RNGTT: variants seen among roughly 807,000 people sequenced by gnomAD.
RNGTT encodes the protein RNA guanylyltransferase and 5'-phosphatase.
In RNGTT, 33 loss-of-function variants were observed where a neutral mutation model predicts 79.3. That is an observed-to-expected ratio of 0.42 (90% CI 0.32 to 0.56). The LOEUF (loss-of-function observed/expected upper bound fraction) is 0.56. Among genes scored for constraint, RNGTT ranks in the 20% least tolerant of loss-of-function variants. The pLI is 0.17. For synonymous variants in RNGTT, 222 were observed against 235.9 expected, an observed-to-expected ratio of 0.94 and a Z score of 0.54; for missense variants, 497 against 739.1, an observed-to-expected ratio of 0.67 and a Z score of 3.80.
At chr6:88,951,589 C>A (rs1441049498) in intron 1 of RNGTT, among the ~76,000 whole-genome samples, 1 of 152,170 alleles carries the variant, frequency 6.6e-6, no homozygotes, top group Non-Finnish European at 1.5e-5. Flanking sequence ...AAACCATGAG[C>A]TCCCAAAGTG....
chr6:88,790,972 T>C (rs1486850221), intron 12 of RNGTT, among the ~76,000 whole-genome samples: 1 of 152,164 alleles, frequency 6.6e-6, no homozygotes, highest in African/African-American at 2.4e-5. Context: ...AAACGTCTTA[T>C]TAAGCTATAA....
chr6:88,939,127 C>T (rs1341294834), intron 2 of RNGTT, among the ~76,000 whole-genome samples: 2 of 152,050 alleles, frequency 1.3e-5, no homozygotes, highest in Non-Finnish European at 2.9e-5. Context: ...ATCTTTGATC[C>T]TCTTGGATGT....
rs567921222 is a variant in RNGTT at position 88,638,398 on chromosome 6, G to A, written c.1507-24003C>T. Among the ~76,000 whole-genome samples, 79 of 152,196 alleles carry A rather than the reference G, an allele frequency of 5.2e-4. No individual in the cohort carries two copies. The Middle Eastern group carries it at 0.017, about 33-fold the overall frequency. ...ATGCCTCATCCCATGCAAGCCTCATGTTTTAAGAGATTAAAAGCCACTACA... is the reference window on the plus strand; with the variant it reads ...ATGCCTCATCCCATGCAAGCCTCATATTTTAAGAGATTAAAAGCCACTACA... On this transcript the variant is annotated intron_variant, in intron 14 of 15. Coordinates refer to ENST00000369485, the MANE Select transcript of RNGTT (RefSeq NM_003800.5).
chr6:88,907,950 G>T (rs1783710131), intron 4 of RNGTT, among the ~76,000 whole-genome samples: 1 of 151,890 alleles, frequency 6.6e-6, no homozygotes, highest in African/African-American at 2.4e-5. Context: ...GCTCAGGCTG[G>T]TCTCAAACTC....
At chr6:88,773,489 AATT>A (rs1778768836) in intron 12 of RNGTT, among the ~76,000 whole-genome samples, 1 of 149,972 alleles carries the variant, frequency 6.7e-6, no homozygotes, top group Non-Finnish European at 1.5e-5. Context: ...ATAAATAAAA[AATT>A]ATTGGTAAAA....
At chr6:88,749,836 TAATC>T (rs1267769196) in intron 13 of RNGTT, among the ~76,000 whole-genome samples, 1 of 152,188 alleles carries the variant, frequency 6.6e-6, no homozygotes, top group Non-Finnish European at 1.5e-5. Flanking sequence ...AGATGTCTGA[TAATC>T]AAGATGTAGA....
chr6:88,630,574 T>C (rs1772822586), intron 14 of RNGTT, among the ~76,000 whole-genome samples: 1 of 152,196 alleles, frequency 6.6e-6, no homozygotes, highest in Non-Finnish European at 1.5e-5. Flanking sequence ...CAAAGCTTAC[T>C]GATGGCAGAG....
chr6:88,756,500 TAAAC>T (rs1031012987), intron 13 of RNGTT, among the ~76,000 whole-genome samples: 4 of 151,912 alleles, frequency 2.6e-5, no homozygotes, highest in African/African-American at 7.3e-5. Flanking sequence ...GTAAAATTAA[TAAAC>T]AAAGTAGAAG....
chr6:88,792,592 G>C (rs1368743895), intron 12 of RNGTT, among the ~76,000 whole-genome samples: 2 of 152,084 alleles, frequency 1.3e-5, no homozygotes, highest in African/African-American at 4.8e-5. Context: ...TATTTTAATA[G>C]AAACATATTT....
chr6:88,893,797 G>C (rs1783130976), intron 6 of RNGTT, among the ~76,000 whole-genome samples: 1 of 151,590 alleles, frequency 6.6e-6, no homozygotes, highest in Non-Finnish European at 1.5e-5. Flanking sequence ...TAAGTAAAAA[G>C]AAAGGTAGAA....
chr6:88,856,950 T>C (rs1781864206), intron 8 of RNGTT, among the ~76,000 whole-genome samples: 1 of 152,142 alleles, frequency 6.6e-6, no homozygotes, highest in Non-Finnish European at 1.5e-5. Context: ...GAATTATCAA[T>C]AGGTATTTGT....
rs1475591043 is a variant in RNGTT at position 88,807,349 on chromosome 6, C to T, written c.1270-5717G>A. Reference sequence around the variant, plus strand: ...TATGGAGTTTCAGCAGAGATGGAAACAATAAAAATGAAACAATTGAAAATG... The same window carrying T: ...TATGGAGTTTCAGCAGAGATGGAAATAATAAAAATGAAACAATTGAAAATG... On this transcript the variant is annotated intron_variant, in intron 11 of 15. Coordinates refer to ENST00000369485, the MANE Select transcript of RNGTT (RefSeq NM_003800.5). 2.6e-5 allele frequency among the ~76,000 whole-genome samples: 4 copies of T among 151,784 alleles called. No homozygotes were observed. The East Asian group carries it at 7.7e-4, about 29-fold the overall frequency.
chr6:88,837,793 G>A (rs549298962), intron 11 of RNGTT, among the ~76,000 whole-genome samples: 43 of 152,074 alleles, frequency 2.8e-4, no homozygotes, highest in Non-Finnish European at 5.1e-4. Context: ...TAAAACAAAC[G>A]CATACTTGTT....
intron 10 of RNGTT, among the ~76,000 whole-genome samples, chr6:88,848,849 T>C (rs909603531): frequency 1.3e-5 from 2 of 152,074 alleles, no homozygotes; most frequent in African/African-American, 2.4e-5. Flanking sequence ...ACCAAAAGTA[T>C]GAAGTTTTAA....
At chr6:88,682,617 G>A (rs1446827044) in intron 13 of RNGTT, among the ~76,000 whole-genome samples, 1 of 151,900 alleles carries the variant, frequency 6.6e-6, no homozygotes, top group Non-Finnish European at 1.5e-5. Flanking sequence ...TAAGTTCCGG[G>A]GTACGTGTGC....
intron 9 of RNGTT, 136 bp from the exon 10 acceptor site, chr6:88,849,962 T>C (rs1781617502): frequency 5.2e-6 from 4 of 765,784 alleles, no homozygotes; most frequent in Non-Finnish European, 7.4e-6. Flanking sequence ...GTGAACACAC[T>C]TGTACCCAGA....
chr6:88,875,284 C>T (rs1782483035), intron 8 of RNGTT, among the ~76,000 whole-genome samples: 1 of 151,768 alleles, frequency 6.6e-6, no homozygotes, highest in African/African-American at 2.4e-5. Context: ...GGAAAGAAAA[C>T]AGCAGGTAAG....
intron 14 of RNGTT, among the ~76,000 whole-genome samples, chr6:88,655,412 C>A (rs542231859): frequency 6.6e-6 from 1 of 152,282 alleles, no homozygotes; most frequent in East Asian, 1.9e-4. Context: ...ATAAGTATTT[C>A]TTTGCATCTA....
intron 13 of RNGTT, among the ~76,000 whole-genome samples, chr6:88,711,235 A>G (rs1776307276): frequency 6.6e-6 from 1 of 152,194 alleles, no homozygotes; most frequent in Non-Finnish European, 1.5e-5. Flanking sequence ...TTATTCATTT[A>G]TAACTTTTCT....
Sources: gnomAD v4.1 joint callset for allele counts (sites outside exome capture counted in the v4.1 genomes callset) on GRCh38, gnomAD v4.1.1 for gene constraint, MANE v1.5 for transcripts, NCBI Gene and HGNC (gene_info 2026-07-23, HGNC 2026-07-21) for gene names.